TRIO: variants seen among roughly 807,000 people sequenced by gnomAD.
TRIO encodes the protein triple functional domain protein.
A neutral mutation model predicts 351.9 loss-of-function variants in TRIO; 58 were observed. That is an observed-to-expected ratio of 0.16 (90% CI 0.13 to 0.21). The LOEUF (loss-of-function observed/expected upper bound fraction) is 0.21, where lower values mean the gene tolerates loss of function less well. Among genes scored for constraint, TRIO ranks in the 10% least tolerant of loss-of-function variants. The pLI, the probability that TRIO is intolerant of heterozygous loss-of-function variation, is 1.00. For synonymous variants in TRIO, 1,758 were observed against 1,595.7 expected (o/e 1.10, Z -2.42); for missense variants, 3,201 against 4,027.8 (o/e 0.79, Z 5.56).
chr5:14,503,404 G>A (rs1757429018), intron 54 of TRIO, among the ~76,000 whole-genome samples: 1 of 150,494 alleles, frequency 6.6e-6, no homozygotes, highest in South Asian at 2.1e-4. Context: ...AGCACATGCT[G>A]TCTTAGGACA....
At chr5:14,199,367 A>G (rs943458821) in intron 1 of TRIO, among the ~76,000 whole-genome samples, 9 of 152,194 alleles carry the variant, frequency 5.9e-5, no homozygotes, top group Admixed American at 1.3e-4. Context: ...CAGAACTGCT[A>G]AATAATTTTT....
At chr5:14,197,551 A>G (rs1790857883) in intron 1 of TRIO, among the ~76,000 whole-genome samples, 1 of 152,220 alleles carries the variant, frequency 6.6e-6, no homozygotes, top group Non-Finnish European at 1.5e-5. Context: ...TCTCTAGCCA[A>G]TTATAAGCAT....
intron 9 of TRIO, among the ~76,000 whole-genome samples, chr5:14,325,396 G>A (rs1348722804): frequency 6.6e-6 from 1 of 152,236 alleles, no homozygotes; most frequent in Non-Finnish European, 1.5e-5. Flanking sequence ...AGCATGGAAG[G>A]CAAAGGGGAG....
intron 48 of TRIO, chr5:14,489,215 T>C (rs1286290671): frequency 3.6e-6 from 2 of 549,252 alleles, no homozygotes; most frequent in Non-Finnish European, 6.5e-6. Flanking sequence ...CTGGACTTAT[T>C]AATGCCTTAA....
intron 43 of TRIO, 44 bp from the exon 44 acceptor site, chr5:14,481,190 T>C: frequency 6.3e-7 from 1 of 1,584,028 alleles, no homozygotes; most frequent in Non-Finnish European, 8.6e-7. Context: ...TCAGCTGCTG[T>C]TGTCTTTGTC....
intron 11 of TRIO, among the ~76,000 whole-genome samples, chr5:14,353,803 T>TG (rs1743360587): frequency 6.6e-6 from 1 of 152,252 alleles, no homozygotes; most frequent in Non-Finnish European, 1.5e-5. Flanking sequence ...CTTAGGCTGT[T>TG]GCAGTGGAGT....
intron 15 of TRIO, among the ~76,000 whole-genome samples, chr5:14,365,997 G>A (rs1434395054): frequency 6.6e-6 from 1 of 152,196 alleles, no homozygotes; most frequent in Non-Finnish European, 1.5e-5. Context: ...GTACATTACT[G>A]TAGCCAAGCT....
chr5:14,367,562 T>C (rs1744712306), intron 16 of TRIO, among the ~76,000 whole-genome samples: 1 of 152,210 alleles, frequency 6.6e-6, no homozygotes, highest in South Asian at 2.1e-4. Context: ...TCAGGCCAAT[T>C]CCAGGCCTGA....
At chr5:14,425,295 G>C (rs547526463) in intron 34 of TRIO, among the ~76,000 whole-genome samples, 1 of 152,178 alleles carries the variant, frequency 6.6e-6, no homozygotes, top group Admixed American at 6.5e-5. Flanking sequence ...TGTTGTAGGT[G>C]CCTCATGTGA....
chr5:14,442,545 T>C (rs939422118), intron 34 of TRIO, among the ~76,000 whole-genome samples: 1 of 152,220 alleles, frequency 6.6e-6, no homozygotes, highest in Non-Finnish European at 1.5e-5. Flanking sequence ...TTTTCAATAA[T>C]ACTCCTTGTA....
intron 8 of TRIO, among the ~76,000 whole-genome samples, chr5:14,311,572 G>A (rs565922960): frequency 3.9e-5 from 6 of 152,188 alleles, no homozygotes; most frequent in African/African-American, 1.2e-4. Flanking sequence ...TACTCAGAAG[G>A]GTTCGATTGT....
intron 8 of TRIO, 57 bp downstream of exon 8, chr5:14,304,649 ACCGG>A: frequency 6.5e-7 from 1 of 1,549,650 alleles, no homozygotes; most frequent in Admixed American, 2.2e-5. Flanking sequence ...ATCATAGTAC[ACCGG>A]AAGCTAGAAA....
chr5:14,293,565 C>A (rs1737090334), intron 6 of TRIO, among the ~76,000 whole-genome samples: 1 of 152,212 alleles, frequency 6.6e-6, no homozygotes, highest in Non-Finnish European at 1.5e-5. Context: ...CTAGCTAGTT[C>A]TCCTGAGGCA....
Position 14,488,075 on chromosome 5 carries a change from GGCTCCTTCTGGA to G in TRIO, c.7453_7464del (p.Phe2485_Ser2488del), listed in dbSNP as rs1756132248. The G allele has an allele frequency of 6.2e-7, 1 of 1,609,894 alleles. No individual in the cohort carries two copies. The highest frequency in any genetic ancestry group is 8.5e-7 in the Non-Finnish European group (1 of 1,179,076). On this transcript the variant is annotated inframe_deletion, in exon 48 of 57. Coordinates refer to ENST00000344204, the MANE Select transcript of TRIO (RefSeq NM_007118.4). ...CCCCAGCAGCCCCCTGCAGAAGGGGGGCTCCTTCTGGAGCTCCATCCCCGCCTCCCCCGCCAG... is the reference window on the plus strand; with the variant it reads ...CCCCAGCAGCCCCCTGCAGAAGGGGGGCTCCATCCCCGCCTCCCCCGCCAG...
At chr5:14,294,676 CT>C (rs1214746239) in intron 6 of TRIO, among the ~76,000 whole-genome samples, 2 of 152,136 alleles carry the variant, frequency 1.3e-5, no homozygotes, top group African/African-American at 2.4e-5. Context: ...TTAATTCTGA[CT>C]TTCTTATTTG....
intron 8 of TRIO, among the ~76,000 whole-genome samples, chr5:14,306,038 A>G (rs1398738068): frequency 6.6e-6 from 1 of 152,216 alleles, no homozygotes; most frequent in African/African-American, 2.4e-5. Context: ...GTGAAAGTCT[A>G]CATTGTGATG....
chr5:14,374,846 T>TTGTG (rs560203658), intron 19 of TRIO, among the ~76,000 whole-genome samples: 2 of 151,408 alleles, frequency 1.3e-5, no homozygotes, highest in African/African-American at 2.4e-5. Context: ...AAAACCGTGT[T>TTGTG]TGTGTGTGTG....
intron 10 of TRIO, among the ~76,000 whole-genome samples, chr5:14,334,311 C>T (rs1408834260): frequency 6.6e-6 from 1 of 152,140 alleles, no homozygotes; most frequent in Admixed American, 6.5e-5. Flanking sequence ...TTCAGAGGCA[C>T]GAGTGCTGAC....
intron 34 of TRIO, among the ~76,000 whole-genome samples, chr5:14,448,109 G>T (rs1385548267): frequency 6.6e-6 from 1 of 152,226 alleles, no homozygotes; most frequent in African/African-American, 2.4e-5. Flanking sequence ...TCATACGCAT[G>T]CTGAATTTGT....
Sources: gnomAD v4.1 joint callset for allele counts (sites outside exome capture counted in the v4.1 genomes callset) on GRCh38, gnomAD v4.1.1 for gene constraint, MANE v1.5 for transcripts, NCBI Gene and HGNC (gene_info 2026-07-23, HGNC 2026-07-21) for gene names.